The following ACAP2 variants were observed in gnomAD, a reference collection of about 807,000 sequenced individuals.
ACAP2 encodes arf-GAP with coiled-coil, ANK repeat and PH domain-containing protein 2.
A neutral mutation model predicts 115.8 loss-of-function variants in ACAP2; 39 were observed. The observed-to-expected ratio is 0.34, with a 90% CI of 0.26 to 0.44. The LOEUF (loss-of-function observed/expected upper bound fraction) is 0.44. ACAP2 is among the 20% of genes least tolerant of loss of function. The pLI is 1.00. For missense variants in ACAP2, 662 were observed against 927.6 expected (o/e 0.71, Z 3.72); for synonymous variants, 289 against 315.8 (o/e 0.92, Z 0.90).
chr3:195,307,078 C>G, intron 12 of ACAP2, 145 bp downstream of exon 12: 1 of 548,174 alleles, frequency 1.8e-6, no homozygotes. Flanking sequence ...TATCTGTAAC[C>G]ATTAATTATT....
intron 4 of ACAP2, among the ~76,000 whole-genome samples, chr3:195,366,828 T>C (rs187571001): frequency 8.4e-4 from 128 of 152,266 alleles, no homozygotes; most frequent in Admixed American, 2.9e-3. Context: ...TCATGGCAGA[T>C]ACAGTCTCCG....
rs1162766993 is a variant in ACAP2, at chr3:195,436,131, A to AT, written c.53+6663dup. On this transcript the variant is annotated intron_variant, in intron 1 of 22. Transcript: ENST00000326793. ...TATACATATATATGTATATATATAT[A>AT]TATTTTTTTTTTTTGGAGACAAAGT... 4.3e-4 allele frequency among the ~76,000 whole-genome samples: 38 copies of AT among 88,426 alleles called. 1 individual carries two copies. Among genetic ancestry groups the AT allele is most frequent in the Middle Eastern group, 5.0e-3 (1 of 200 alleles). The allele number at this position is 88,426 out of a possible 152,430, so 58.0% of individuals were successfully genotyped here.
intron 10 of ACAP2, among the ~76,000 whole-genome samples, chr3:195,314,988 C>T (rs568763868): frequency 7.9e-5 from 12 of 152,318 alleles, no homozygotes; most frequent in Middle Eastern, 3.4e-3. Flanking sequence ...CTAGAAAATA[C>T]TTAAAGACTT....
At chr3:195,385,285 G>C (rs1286344495) in intron 2 of ACAP2, among the ~76,000 whole-genome samples, 1 of 151,122 alleles carries the variant, frequency 6.6e-6, no homozygotes, top group African/African-American at 2.4e-5. Flanking sequence ...AAACTTACTG[G>C]CACATGGTAA....
intron 1 of ACAP2, among the ~76,000 whole-genome samples, chr3:195,400,303 T>C (rs76180703): frequency 0.026 from 3,891 of 152,164 alleles, 146 homozygotes; most frequent in African/African-American, 0.084. Context: ...TAGAATCTTC[T>C]GTTCCTGGGC....
At chr3:195,340,185 C>T (rs1379490968) in intron 6 of ACAP2, among the ~76,000 whole-genome samples, 14 of 150,240 alleles carry the variant, frequency 9.3e-5, no homozygotes. Context: ...GAAGAAAGAA[C>T]CAATTTAAGA....
At chr3:195,349,038 T>C (rs1276686074) in intron 4 of ACAP2, among the ~76,000 whole-genome samples, 1 of 149,278 alleles carries the variant, frequency 6.7e-6, no homozygotes, top group East Asian at 2.0e-4. Context: ...GATGATGTGA[T>C]CAGCTCTATA....
intron 21 of ACAP2, among the ~76,000 whole-genome samples, chr3:195,288,047 T>C (rs1360511658): frequency 6.6e-6 from 1 of 151,160 alleles, no homozygotes; most frequent in Non-Finnish European, 1.5e-5. Context: ...GTTGCTGAGC[T>C]GAGATCGTGC....
At chr3:195,317,394 C>G (rs979149502) in intron 10 of ACAP2, among the ~76,000 whole-genome samples, 3 of 152,096 alleles carry the variant, frequency 2.0e-5, no homozygotes, top group African/African-American at 7.2e-5. Context: ...TTCATATTCT[C>G]TTCAAGTAAT....
At chr3:195,317,513 T>C (rs1462815306) in intron 10 of ACAP2, among the ~76,000 whole-genome samples, 1 of 152,158 alleles carries the variant, frequency 6.6e-6, no homozygotes, top group Non-Finnish European at 1.5e-5. Flanking sequence ...AATAGAGGCA[T>C]CCTTGAATAA....
At chr3:195,350,028 T>A (rs148660330) in intron 4 of ACAP2, 1 of 171,762 alleles carries the variant, frequency 5.8e-6, no homozygotes, top group Non-Finnish European at 1.2e-5. Flanking sequence ...GGACAAGAAC[T>A]AACCACTGAT....
At chr3:195,373,938 C>A (rs1733345393) in intron 4 of ACAP2, among the ~76,000 whole-genome samples, 1 of 152,044 alleles carries the variant, frequency 6.6e-6, no homozygotes, top group African/African-American at 2.4e-5. Flanking sequence ...CATATACTGA[C>A]AAACTTTATG....
At position 195,381,002 on chromosome 3, in the gene ACAP2, C is replaced by T. The variant is rs933618671; in HGVS notation, c.285+7G>A. ...GGTCATAGTAACACCTACTTACTGA[C>T]ACTTACTGTGTGAAAATTTATCATT... On this transcript the variant is annotated splice_region_variant and intron_variant, in intron 4 of 22. Coordinates refer to ENST00000326793, the MANE Select transcript of ACAP2 (RefSeq NM_012287.6). 13 of 1,595,092 alleles carry T rather than the reference C, an allele frequency of 8.1e-6. No homozygotes were observed. Among genetic ancestry groups the T allele is most frequent in the Non-Finnish European group, 1.0e-5 (12 of 1,174,674 alleles).
intron 1 of ACAP2, among the ~76,000 whole-genome samples, chr3:195,431,668 C>T (rs1329238942): frequency 6.7e-6 from 1 of 149,626 alleles, no homozygotes; most frequent in Non-Finnish European, 1.5e-5. Context: ...AGGATGGTCT[C>T]GATCTCCTGA....
intron 10 of ACAP2, 113 bp from the exon 11 acceptor site, chr3:195,308,950 G>A: frequency 9.8e-7 from 1 of 1,020,422 alleles, no homozygotes; most frequent in Non-Finnish European, 1.4e-6. Flanking sequence ...ATTATGTTTT[G>A]AGAAGTCCAC....
intron 6 of ACAP2, among the ~76,000 whole-genome samples, chr3:195,337,629 G>A (rs1418310705): frequency 6.6e-6 from 1 of 151,984 alleles, no homozygotes; most frequent in Non-Finnish European, 1.5e-5. Flanking sequence ...TTTCTATTTA[G>A]TAGAGACGGG....
intron 2 of ACAP2, among the ~76,000 whole-genome samples, chr3:195,384,720 G>A (rs1734177226): frequency 9.2e-6 from 1 of 108,508 alleles, no homozygotes; most frequent in Non-Finnish European, 1.8e-5. Context: ...GAGCGAGGCT[G>A]TCTCAAAAAA....
chr3:195,355,007 G>C (rs1731861098), intron 4 of ACAP2, among the ~76,000 whole-genome samples: 1 of 152,122 alleles, frequency 6.6e-6, no homozygotes, highest in Admixed American at 6.5e-5. Flanking sequence ...GGGACTACAG[G>C]CATGTGCCAC....
intron 20 of ACAP2, among the ~76,000 whole-genome samples, chr3:195,291,322 A>G (rs1727240273): frequency 6.6e-6 from 1 of 152,244 alleles, no homozygotes; most frequent in South Asian, 2.1e-4. Flanking sequence ...TTACAAAGTC[A>G]TCAAATTATC....
Sources: allele counts gnomAD v4.1 joint callset (sites outside exome capture counted in the v4.1 genomes callset), GRCh38; gene constraint gnomAD v4.1.1; transcripts MANE v1.5; gene names NCBI Gene and HGNC (gene_info 2026-07-23, HGNC 2026-07-21).